The following ITGB8 variants were observed in gnomAD, a reference collection of about 807,000 sequenced individuals.
ITGB8 encodes the protein integrin subunit beta 8, also known as integrin beta-8.
Under a neutral mutation model 89.5 loss-of-function variants are expected in ITGB8, and 30 were observed. That is an observed-to-expected ratio of 0.34 (90% CI 0.25 to 0.45). The LOEUF is 0.45. Ranked by LOEUF, ITGB8 falls within the 20% of genes least tolerant of loss-of-function variation. The pLI, the probability that ITGB8 is intolerant of heterozygous loss-of-function variation, is 1.00. For missense variants in ITGB8, 836 were observed against 933.3 expected (o/e 0.90, Z 1.36); for synonymous variants, 335 against 320.4 (o/e 1.05, Z -0.49).
At chr7:20,400,950 A>G (rs1260171499) in intron 9 of ITGB8, among the ~76,000 whole-genome samples, 2 of 152,152 alleles carry the variant, frequency 1.3e-5, no homozygotes, top group African/African-American at 4.8e-5. Context: ...TCATTTGAAC[A>G]TCTTATCTCA....
intron 1 of ITGB8, among the ~76,000 whole-genome samples, chr7:20,336,613 C>T (rs1784587853): frequency 6.6e-6 from 1 of 152,188 alleles, no homozygotes; most frequent in Non-Finnish European, 1.5e-5. Flanking sequence ...TTGAATTATG[C>T]TTCATAATAT....
chr7:20,346,167 A>G (rs962387726), intron 1 of ITGB8, among the ~76,000 whole-genome samples: 2 of 152,122 alleles, frequency 1.3e-5, no homozygotes, highest in African/African-American at 4.8e-5. Context: ...TACATCTCCA[A>G]GCTCAAGGCT....
At chr7:20,344,955 GGAGA>G (rs1784874515) in intron 1 of ITGB8, among the ~76,000 whole-genome samples, 1 of 152,150 alleles carries the variant, frequency 6.6e-6, no homozygotes, top group Non-Finnish European at 1.5e-5. Flanking sequence ...TCGTTCTAAT[GGAGA>G]GAGACAAGAC....
rs536577534 is a variant in ITGB8 at position 20,351,821 on chromosome 7, C to G, written c.128-11816C>G. Among the ~76,000 whole-genome samples, 115 of 152,192 alleles carry G rather than the reference C, an allele frequency of 7.6e-4. 1 individual carries two copies. The highest frequency in any genetic ancestry group is 2.7e-3 in the African/African-American group (111 of 41,504). ...ATGTAGAAAATGCATTCTTACTATC[C>G]TAGGGCATTTTTTTTAACCTCCTTA... On this transcript the variant is annotated intron_variant, in intron 1 of 13. Coordinates refer to ENST00000222573, the MANE Select transcript of ITGB8 (RefSeq NM_002214.3).
chr7:20,383,130 A>G (rs1286237890), intron 6 of ITGB8, among the ~76,000 whole-genome samples: 2 of 152,206 alleles, frequency 1.3e-5, no homozygotes, highest in Non-Finnish European at 2.9e-5. Context: ...TGTGGTTCCC[A>G]TGGGTAAATT....
At chr7:20,376,115 C>A (rs920488791) in intron 3 of ITGB8, among the ~76,000 whole-genome samples, 2 of 152,086 alleles carry the variant, frequency 1.3e-5, no homozygotes, top group African/African-American at 4.8e-5. Flanking sequence ...ATGGATATTG[C>A]CATTAAGCAC....
Position 20,412,190 on chromosome 7 carries a change from A to C in ITGB8, c.*2193A>C, listed in dbSNP as rs1227593644. 1 of 152,618 alleles carries C rather than the reference A, an allele frequency of 6.6e-6. No homozygotes were observed. The highest frequency in any genetic ancestry group is 2.4e-5 in the African/African-American group (1 of 41,446). 9.5% of individuals were successfully genotyped at this position (152,618 alleles called of 1,614,324 possible). ...CCAATAAACACAGCAGCTCTGTTAG[A>C]TGTCCTCTACAGCCAAGCACTTTCA... On this transcript the variant is annotated 3_prime_UTR_variant, in exon 14 of 14. Coordinates refer to ENST00000222573, the MANE Select transcript of ITGB8 (RefSeq NM_002214.3).
chr7:20,331,395 T>G lies in ITGB8; in HGVS notation c.-412T>G. 2.5e-6 allele frequency: 1 copy of G among 395,660 alleles called. No homozygotes were observed. The highest frequency in any genetic ancestry group is 4.4e-6 in the Non-Finnish European group (1 of 225,030). The allele number at this position is 395,660 out of a possible 1,614,324, so 24.5% of individuals were successfully genotyped here. On this transcript the variant is annotated 5_prime_UTR_variant, in exon 1 of 14. Coordinates refer to ENST00000222573, the MANE Select transcript of ITGB8 (RefSeq NM_002214.3). ...GTTTCCCCCCCAGCTTCGGGCTTTG[T>G]TTGGGTTTGATTGTGTTTGGCTCTT...
At chr7:20,368,678 A>G (rs913814700) in intron 3 of ITGB8, among the ~76,000 whole-genome samples, 1 of 152,200 alleles carries the variant, frequency 6.6e-6, no homozygotes, top group Non-Finnish European at 1.5e-5. Context: ...TCTTTTTTAA[A>G]TTCTTGAGAT....
At chr7:20,351,935 T>C (rs369254199) in intron 1 of ITGB8, among the ~76,000 whole-genome samples, 5 of 152,146 alleles carry the variant, frequency 3.3e-5, no homozygotes, top group East Asian at 1.9e-4. Flanking sequence ...GAGTTGGAAA[T>C]GAAAATAGGA....
chr7:20,332,051 A>G, intron 1 of ITGB8, 118 bp downstream of exon 1: 3 of 1,479,936 alleles, frequency 2.0e-6, no homozygotes, highest in Non-Finnish European at 2.7e-6. Flanking sequence ...GAGAACTTCA[A>G]GGGGGCGGGT....
chr7:20,371,666 A>T (rs1785939693), intron 3 of ITGB8, among the ~76,000 whole-genome samples: 1 of 152,222 alleles, frequency 6.6e-6, no homozygotes, highest in Non-Finnish European at 1.5e-5. Flanking sequence ...AGTCCAAGTG[A>T]ATCAATAAAT....
At chr7:20,387,161 G>A (rs1177769871) in intron 6 of ITGB8, among the ~76,000 whole-genome samples, 1 of 152,174 alleles carries the variant, frequency 6.6e-6, no homozygotes, top group East Asian at 1.9e-4. Context: ...TTTATGTTCA[G>A]TTAACAGCAT....
upstream of ITGB8, among the ~76,000 whole-genome samples, chr7:20,330,486 G>A (rs529361863): frequency 2.0e-5 from 3 of 152,308 alleles, no homozygotes; most frequent in South Asian, 2.1e-4. Flanking sequence ...TGGGGTGCAA[G>A]GATTCGGGGG....
At chr7:20,368,366 C>T (rs760573188) in intron 3 of ITGB8, among the ~76,000 whole-genome samples, 1 of 152,120 alleles carries the variant, frequency 6.6e-6, no homozygotes, top group Non-Finnish European at 1.5e-5. Context: ...AAAAATTGTA[C>T]GTTCTCGTAC....
intron 1 of ITGB8, among the ~76,000 whole-genome samples, chr7:20,355,976 C>G (rs949008338): frequency 6.6e-6 from 1 of 152,150 alleles, no homozygotes; most frequent in Non-Finnish European, 1.5e-5. Flanking sequence ...ACAAATAGAT[C>G]CTTGCTCCCC....
chr7:20,398,904 A>C lies in ITGB8; in HGVS notation c.1191A>C (p.Gln397His). ...EVKVQVENQV[Q>H]GIYFNITAIC... is the part of the protein sequence containing the mutation. ...AAGTTCAGGTGGAAAACCAGGTACA[A>C]GGCATCTATTTTAACATTACCGCCA... Residue 397 changes from glutamine to histidine, a missense_variant, in exon 9 of 14, where the codon CAA (glutamine) becomes CAC (histidine). Gln to His is a conservative substitution (Grantham distance 24). Coordinates refer to ENST00000222573, the MANE Select transcript of ITGB8 (RefSeq NM_002214.3). 1 of 1,604,812 alleles carries C rather than the reference A, an allele frequency of 6.2e-7. No homozygotes were observed. The highest frequency in any genetic ancestry group is 8.5e-7 in the Non-Finnish European group (1 of 1,176,960).
At chr7:20,343,250 A>T (rs560417209) in intron 1 of ITGB8, among the ~76,000 whole-genome samples, 1 of 152,228 alleles carries the variant, frequency 6.6e-6, no homozygotes, top group African/African-American at 2.4e-5. Flanking sequence ...GCCTGGGCTG[A>T]CTCTCAGTAG....
intron 6 of ITGB8, among the ~76,000 whole-genome samples, chr7:20,383,703 C>G (rs1208585977): frequency 6.6e-6 from 1 of 151,970 alleles, no homozygotes; most frequent in African/African-American, 2.4e-5. Flanking sequence ...AGGCATATAC[C>G]ATGTTATAGA....
Sources: gnomAD v4.1 joint callset for allele counts (sites outside exome capture counted in the v4.1 genomes callset) on GRCh38, gnomAD v4.1.1 for gene constraint, MANE v1.5 for transcripts, NCBI Gene and HGNC (gene_info 2026-07-23, HGNC 2026-07-21) for gene names.